Variants in CSMD3 observed in about 807,000 individuals in gnomAD.
CSMD3 encodes CUB and Sushi multiple domains 3, also known as CUB and sushi domain-containing protein 3.
CSMD3 carries 177 observed loss-of-function variants against 435.2 expected under a neutral mutation model. That is an observed-to-expected ratio of 0.41 (90% CI 0.36 to 0.46). The LOEUF (loss-of-function observed/expected upper bound fraction) is 0.46. CSMD3 is among the 20% of genes least tolerant of loss of function. CSMD3 has a pLI of 0.34. For missense variants in CSMD3, 4,265 were observed against 4,504.6 expected (o/e 0.95, Z 1.52); for synonymous variants, 1,656 against 1,520.5 (o/e 1.09, Z -2.07).
chr8:112,785,047 T>C lies in CSMD3; in HGVS notation c.1972+15115A>G, dbSNP rs76228903. Reference sequence around the variant, plus strand: ...TCCCAAACCTAATTCAACAATGCATTAAAGAGATCATTCATTATGACCAAG... The same window carrying C: ...TCCCAAACCTAATTCAACAATGCATCAAAGAGATCATTCATTATGACCAAG... On this transcript the variant is annotated intron_variant, in intron 13 of 70. Coordinates refer to ENST00000297405, the MANE Select transcript of CSMD3 (RefSeq NM_198123.2). 5.4e-3 allele frequency among the ~76,000 whole-genome samples: 826 copies of C among 152,056 alleles called. 5 individuals carry two copies. The highest frequency in any genetic ancestry group is 0.019 in the African/African-American group (782 of 41,534).
intron 23 of CSMD3, among the ~76,000 whole-genome samples, chr8:112,578,127 A>C (rs1830080099): frequency 6.6e-6 from 1 of 152,082 alleles, no homozygotes; most frequent in Admixed American, 6.6e-5. Context: ...AATTTTTATA[A>C]TGGTCAATCA....
chr8:112,310,900 T>G (rs16883392), intron 50 of CSMD3, 78 bp downstream of exon 50: 1 of 1,200,390 alleles, frequency 8.3e-7, no homozygotes, highest in Non-Finnish European at 1.2e-6. Context: ...TCAGAAAAGT[T>G]AGTGATCCAA....
chr8:113,069,604 G>T (rs955246129), intron 5 of CSMD3, among the ~76,000 whole-genome samples: 1 of 152,002 alleles, frequency 6.6e-6, no homozygotes, highest in Non-Finnish European at 1.5e-5. Context: ...TCCAGATGTG[G>T]GCAGTAATGG....
chr8:113,090,766 T>C (rs989532108), intron 5 of CSMD3, among the ~76,000 whole-genome samples: 1 of 152,118 alleles, frequency 6.6e-6, no homozygotes, highest in Non-Finnish European at 1.5e-5. Context: ...CTTATAATTG[T>C]TTCTCTTACA....
At chr8:112,394,004 C>G (rs1055530603) in intron 35 of CSMD3, among the ~76,000 whole-genome samples, 2 of 152,014 alleles carry the variant, frequency 1.3e-5, no homozygotes, top group African/African-American at 4.8e-5. Flanking sequence ...ATGTTTATCT[C>G]TAGCTGTGAT....
At position 113,002,313 on chromosome 8, in the gene CSMD3, G is replaced by A. The variant is rs2085894248; in HGVS notation, c.1030+16754C>T. 4.6e-5 allele frequency among the ~76,000 whole-genome samples: 7 copies of A among 151,962 alleles called. No homozygotes were observed. The South Asian group carries it at 1.5e-3, about 32-fold the overall frequency. Reference sequence around the variant, plus strand: ...ATAAGAAATCTTATAAAAGATTCCAGCACTCAGAAATTTTATTTAAATTAT... The same window carrying A: ...ATAAGAAATCTTATAAAAGATTCCAACACTCAGAAATTTTATTTAAATTAT... On this transcript the variant is annotated intron_variant, in intron 6 of 70. Transcript: ENST00000297405.
rs1306219440 is a variant in CSMD3, at chr8:112,528,990, T to A, written c.4565-11765A>T. Reference sequence around the variant, plus strand: ...GGAAGCTAGGGGCAATTGATGCCCCTAGCTTCAAGCTTCCCTGCTGCTCAG... The same window carrying A: ...GGAAGCTAGGGGCAATTGATGCCCCAAGCTTCAAGCTTCCCTGCTGCTCAG... On this transcript the variant is annotated intron_variant, in intron 27 of 70. Transcript: ENST00000297405. 2.6e-5 allele frequency among the ~76,000 whole-genome samples: 4 copies of A among 152,154 alleles called. 1 individual carries two copies. Among genetic ancestry groups the A allele is most frequent in the Admixed American group, 2.6e-4 (4 of 15,274 alleles).
rs559729773 is a variant in CSMD3, at chr8:113,262,458, A to T, written c.514+16134T>A. Among the ~76,000 whole-genome samples, 5 of 152,110 alleles carry T rather than the reference A, an allele frequency of 3.3e-5. No individual in the cohort carries two copies. The South Asian group carries it at 1.0e-3, about 32-fold the overall frequency. On this transcript the variant is annotated intron_variant, in intron 3 of 70. Coordinates refer to ENST00000297405, the MANE Select transcript of CSMD3 (RefSeq NM_198123.2). ...GCTCCAAGATTTCCACTCCTTCCCC[A>T]TGAGTGCAGGTGGAATTATGCAGCT...
chr8:113,345,526 A>G (rs368833823), intron 1 of CSMD3, among the ~76,000 whole-genome samples: 1 of 152,166 alleles, frequency 6.6e-6, no homozygotes, highest in Non-Finnish European at 1.5e-5. Flanking sequence ...TGATATTTCC[A>G]TATGCTTAAG....
intron 16 of CSMD3, among the ~76,000 whole-genome samples, chr8:112,669,869 A>C (rs902979267): frequency 1.3e-5 from 2 of 152,152 alleles, no homozygotes; most frequent in African/African-American, 4.8e-5. Context: ...TATAGATAAG[A>C]AAACTGATGT....
chr8:112,876,975 G>A (rs1443746953), intron 10 of CSMD3, among the ~76,000 whole-genome samples: 2 of 152,054 alleles, frequency 1.3e-5, no homozygotes, highest in Non-Finnish European at 2.9e-5. Flanking sequence ...TAGACAAACA[G>A]AGAGCCAAAT....
chr8:113,033,064 AGGATGTATAGAAACACCT>A (rs2087186850), intron 5 of CSMD3, among the ~76,000 whole-genome samples: 1 of 151,554 alleles, frequency 6.6e-6, no homozygotes, highest in Non-Finnish European at 1.5e-5. Context: ...TAGATTTCAG[AGGATGTATAGAAACACCT>A]GGATGTCCAG....
intron 4 of CSMD3, among the ~76,000 whole-genome samples, chr8:113,171,825 T>C (rs991957439): frequency 1.3e-5 from 2 of 152,302 alleles, no homozygotes; most frequent in South Asian, 2.1e-4. Flanking sequence ...TTGTACCTGG[T>C]TATCCTTCTG....
At chr8:112,272,647 C>T (rs1332715434) in intron 59 of CSMD3, among the ~76,000 whole-genome samples, 1 of 152,098 alleles carries the variant, frequency 6.6e-6, no homozygotes, top group Non-Finnish European at 1.5e-5. Context: ...GTTTCTTGAT[C>T]TAGACAATGT....
At chr8:112,431,077 C>T (rs1024461868) in intron 32 of CSMD3, among the ~76,000 whole-genome samples, 1 of 101,886 alleles carries the variant, frequency 9.8e-6, no homozygotes, top group East Asian at 2.3e-4. Context: ...TCATTCCCTG[C>T]CCTCACAGAT....
intron 3 of CSMD3, among the ~76,000 whole-genome samples, chr8:113,191,561 G>C (rs2092585065): frequency 7.0e-6 from 1 of 142,892 alleles, no homozygotes; most frequent in Admixed American, 7.0e-5. Flanking sequence ...CCATGTTGTT[G>C]CCAAAAAAAA....
chr8:113,025,105 A>T (rs1375224919), intron 5 of CSMD3, among the ~76,000 whole-genome samples: 6 of 151,932 alleles, frequency 3.9e-5, no homozygotes, highest in Non-Finnish European at 5.9e-5. Flanking sequence ...CAGACTCTTC[A>T]TAAATTTCCT....
At chr8:112,615,587 A>G (rs1378942011) in intron 22 of CSMD3, among the ~76,000 whole-genome samples, 1 of 152,096 alleles carries the variant, frequency 6.6e-6, no homozygotes, top group Non-Finnish European at 1.5e-5. Context: ...GAATACGCCT[A>G]CATCATGAAA....
At chr8:112,866,163 G>A (rs1249291576) in intron 10 of CSMD3, among the ~76,000 whole-genome samples, 1 of 152,108 alleles carries the variant, frequency 6.6e-6, no homozygotes, top group African/African-American at 2.4e-5. Flanking sequence ...TTATTAGTAT[G>A]AAGTTTGTGG....
Sources: allele counts gnomAD v4.1 joint callset (sites outside exome capture counted in the v4.1 genomes callset), GRCh38; gene constraint gnomAD v4.1.1; transcripts MANE v1.5; gene names NCBI Gene and HGNC (gene_info 2026-07-23, HGNC 2026-07-21).